The following PLEKHG5 variants were observed in gnomAD, a reference collection of about 807,000 sequenced individuals.
PLEKHG5 encodes pleckstrin homology domain-containing family G member 5.
Under a neutral mutation model 103.8 loss-of-function variants are expected in PLEKHG5, and 52 were observed. The ratio of observed to expected loss-of-function variants is 0.50; its 90% CI spans 0.40 to 0.63. The LOEUF is 0.63. Ranked by LOEUF, PLEKHG5 falls within the 30% of genes least tolerant of loss-of-function variation. The pLI, the probability that PLEKHG5 is intolerant of heterozygous loss-of-function variation, is 0.00. For missense variants in PLEKHG5, 1,205 were observed against 1,347.6 expected (o/e 0.89, Z 1.66); for synonymous variants, 592 against 575.5 (o/e 1.03, Z -0.41).
At chr1:6,485,774 G>C in intron 1 of PLEKHG5, 13 of 546,222 alleles carry the variant, frequency 2.4e-5, no homozygotes, top group Non-Finnish European at 2.7e-5. Flanking sequence ...CCACAGCCCC[G>C]CCTCCGCCCA....
In PLEKHG5 at chr1:6,474,064, G is replaced by C. The variant is rs372624847; in HGVS notation, c.540C>G (p.Pro180=). The change falls in exon 7 of 21, where the codon CCC becomes CCG. Residue 180 remains proline (P), a synonymous_variant. Coordinates refer to ENST00000377728, the MANE Select transcript of PLEKHG5 (RefSeq NM_020631.6). ...PILRPAGTGP[P]ALERVDAQSR... ...TCTGGGCGTCCACACGCTCCAGGGC[G>C]GGGGGCCCGGTCCCAGCTGGCCGCA... 16 of 1,611,458 alleles carry C rather than the reference G, an allele frequency of 9.9e-6. No homozygotes were observed. The highest frequency in any genetic ancestry group is 3.3e-5 in the South Asian group (3 of 90,828).
chr1:6,485,759 G>T, intron 1 of PLEKHG5: 2 of 510,750 alleles, frequency 3.9e-6, no homozygotes, highest in Non-Finnish European at 5.1e-6. Flanking sequence ...CCGGCCGGGG[G>T]ACCCCCACAG....
chr1:6,484,493 C>CG (rs1384317181), intron 1 of PLEKHG5, among the ~76,000 whole-genome samples: 16 of 152,174 alleles, frequency 1.1e-4, no homozygotes, highest in Admixed American at 4.6e-4. Flanking sequence ...GGAAGCCCCC[C>CG]GGGAGAACCA....
At chr1:6,498,866 CAG>C (rs1430111575), upstream of PLEKHG5, among the ~76,000 whole-genome samples, 1 of 152,234 alleles carries the variant, frequency 6.6e-6, no homozygotes, top group Non-Finnish European at 1.5e-5. Flanking sequence ...GAGGTGGAGG[CAG>C]CCGAGGCAAG....
At position 6,475,442 on chromosome 1, in the gene PLEKHG5, G is replaced by A. The variant is rs777308688; in HGVS notation, c.210+20C>T. 22 of 1,611,042 alleles carry A rather than the reference G, an allele frequency of 1.4e-5. No homozygotes were observed. In the Admixed American group the frequency reaches 3.0e-4, roughly 22 times the overall value. On this transcript the variant is annotated intron_variant, in intron 4 of 20. Transcript: ENST00000377728. ...AGGCTGTAGGGAACCCGCATCTGCC[G>A]GCTCTGGGGGGCTCCTCACATCCGT...
At position 6,473,441 on chromosome 1, in the gene PLEKHG5, C is replaced by A. The variant is rs543013239; in HGVS notation, c.605G>T (p.Arg202Leu). ...CAGGAACTCCGACATGTTCTTGCGGCGGCGGCCAGGGGCCTGGTCAGGGAA... is the reference window on the plus strand; with the variant it reads ...CAGGAACTCCGACATGTTCTTGCGGAGGCGGCCAGGGGCCTGGTCAGGGAA... ...ESLDILAPGR[R>L]RKNMSEFLGE... Residue 202 changes from arginine (R) to leucine (L), a missense_variant, in exon 8 of 21, where the codon CGC becomes CTC. Physicochemically the swap from Arg to Leu is moderately radical, Grantham distance 102 (BLOSUM62 -2). Transcript: ENST00000377728. The A allele has an allele frequency of 1.3e-6, 2 of 1,532,740 alleles. No homozygotes were observed. Among genetic ancestry groups the A allele is most frequent in the South Asian group, 2.4e-5 (2 of 82,778 alleles). The allele number at this position is 1,532,740 out of a possible 1,614,324, so 94.9% of individuals were successfully genotyped here.
At chr1:6,501,167 T>C (rs1645292641), upstream of PLEKHG5, among the ~76,000 whole-genome samples, 1 of 152,120 alleles carries the variant, frequency 6.6e-6, no homozygotes, top group African/African-American at 2.4e-5. This position sits in a 1 kb window ranked among gnomAD's most constrained non-coding sequence, Gnocchi z 4.3. Flanking sequence ...TGTGTCTGCC[T>C]CGGATCAGCA....
chr1:6,475,245 C>T lies in PLEKHG5; in HGVS notation c.211-107G>A. 22 of 704,048 alleles carry T rather than the reference C, an allele frequency of 3.1e-5. 2 individuals are homozygous for T. In the South Asian group the frequency reaches 3.3e-4, roughly 11 times the overall value. The allele number at this position is 704,048 out of a possible 1,614,324, so 43.6% of individuals were successfully genotyped here. ...CCTCCTTCCCAACCCTCCTCCCCAC[C>T]CTCCTTCCCACCCTCCTTCCCAACC... On this transcript the variant is annotated intron_variant, in intron 4 of 20. Coordinates refer to ENST00000377728, the MANE Select transcript of PLEKHG5 (RefSeq NM_020631.6).
intron 16 of PLEKHG5, among the ~76,000 whole-genome samples, 172 bp from the exon 17 acceptor site, chr1:6,469,848 G>A (rs1220382312): frequency 1.3e-5 from 2 of 152,332 alleles, no homozygotes; most frequent in South Asian, 2.1e-4. Flanking sequence ...TGAGATGTAC[G>A]TTGATGACTT....
At chr1:6,471,430 C>T in intron 12 of PLEKHG5, 58 bp downstream of exon 12, 1 of 1,562,500 alleles carries the variant, frequency 6.4e-7, no homozygotes, top group Admixed American at 1.8e-5. Flanking sequence ...GCCGTGGAGG[C>T]TTTTCGGCGC....
chr1:6,472,044 G>A (rs1644607971), intron 10 of PLEKHG5, among the ~76,000 whole-genome samples: 2 of 152,234 alleles, frequency 1.3e-5, no homozygotes, highest in Non-Finnish European at 2.9e-5. Flanking sequence ...CCCTCCTGGA[G>A]GGAAGCTCGG....
chr1:6,473,542 C>G, intron 7 of PLEKHG5, 88 bp from the exon 8 acceptor site: 1 of 1,057,070 alleles, frequency 9.5e-7, no homozygotes, highest in Non-Finnish European at 1.3e-6. Context: ...CTCAGGCCAG[C>G]CTGGGATGGA....
chr1:6,482,373 C>T (rs934788185), intron 1 of PLEKHG5, among the ~76,000 whole-genome samples: 7 of 152,160 alleles, frequency 4.6e-5, no homozygotes, highest in Non-Finnish European at 8.8e-5. Flanking sequence ...AGGAGAGAGG[C>T]GCTGAAGAGT....
upstream of PLEKHG5, among the ~76,000 whole-genome samples, chr1:6,494,659 C>G (rs960685272): frequency 2.0e-5 from 3 of 152,228 alleles, no homozygotes; most frequent in Non-Finnish European, 2.9e-5. Flanking sequence ...CTGCCTCTCC[C>G]TTCCTGGACT....
At position 6,475,486 on chromosome 1, in the gene PLEKHG5, C is replaced by T. The variant is rs372405586; in HGVS notation, c.186G>A (p.Lys62=). The T allele has an allele frequency of 1.3e-4, 209 of 1,613,446 alleles. No individual in the cohort carries two copies. Among genetic ancestry groups the T allele is most frequent in the Non-Finnish European group, 1.7e-4 (205 of 1,179,924 alleles). Residue 62 remains lysine, a synonymous_variant, in exon 4 of 21, where the codon AAG becomes AAA. Transcript: ENST00000377728. ...RKSTGLKLSK[K]KARRRHTDDP... is the part of the protein sequence containing the mutation. ...CATCCGTGTGTCTCCTCCTTGCTTT[C>T]TTCTTGGAGAGTTTCAGGCCTGTGC...
At position 6,485,003 on chromosome 1, in the gene PLEKHG5, C is replaced by A. The variant is rs3007424; in HGVS notation, c.-88+6634G>T. ...GAGGAGGCTGTGGGCAGGGCCAGGG[C>A]AGAGGAAGGAAAGGAGAGGGGCGGC... On this transcript the variant is annotated intron_variant, in intron 1 of 20. Coordinates refer to ENST00000377728, the MANE Select transcript of PLEKHG5 (RefSeq NM_020631.6). Among the ~76,000 whole-genome samples, 4,656 of 152,216 alleles carry A rather than the reference C, an allele frequency of 0.031. 244 individuals are homozygous for A. Among genetic ancestry groups the A allele is most frequent in the African/African-American group, 0.11 (4,454 of 41,508 alleles).
Position 6,474,540 on chromosome 1 carries a change from T to C in PLEKHG5, c.350A>G (p.Lys117Arg), listed in dbSNP as rs201172306. ...VFERKGIALG[K>R]VDIYLDQSNT... is the part of the protein sequence containing the mutation. ...GGACTGGTCCAGGTAGATGTCCACT[T>C]TGCCCAGCGCAATGCCCTTCCTTTC... Residue 117 changes from lysine (K) to arginine (R), a missense_variant, in exon 6 of 21, where the codon AAA becomes AGA. By Grantham distance (26) the Lys-to-Arg change is conservative. Transcript: ENST00000377728. The C allele has an allele frequency of 3.7e-6, 6 of 1,613,798 alleles. No homozygotes were observed. The African/African-American group carries it at 8.0e-5, about 22-fold the overall frequency.
Position 6,469,183 on chromosome 1 carries a change from C to T in PLEKHG5, c.2108G>A (p.Ser703Asn). ...EPPGSQQPLQ[S>N]LEEEEDEQEE... is the part of the protein sequence containing the mutation. ...CTGCTCATCCTCCTCCTCTTCCAGG[C>T]TCTGCAGGGGCTGCTGACTGCCTGG... Residue 703 changes from serine to asparagine, a missense_variant, in exon 19 of 21, where the codon AGC becomes AAC. Ser to Asn is a conservative substitution (Grantham distance 46, BLOSUM62 1). Coordinates refer to ENST00000377728, the MANE Select transcript of PLEKHG5 (RefSeq NM_020631.6). 1 of 1,612,642 alleles carries T rather than the reference C, an allele frequency of 6.2e-7. No individual in the cohort carries two copies. Among genetic ancestry groups the T allele is most frequent in the Non-Finnish European group, 8.5e-7 (1 of 1,179,902 alleles).
intron 1 of PLEKHG5, among the ~76,000 whole-genome samples, chr1:6,504,780 A>G (rs923727951): frequency 2.6e-5 from 4 of 152,220 alleles, no homozygotes; most frequent in African/African-American, 9.6e-5. Flanking sequence ...CGTGTTAGTC[A>G]GGCTGGTCTC....
Sources: gnomAD v4.1 joint callset for allele counts (sites outside exome capture counted in the v4.1 genomes callset) on GRCh38, gnomAD v4.1.1 for gene constraint, Gnocchi (gnomAD v3.1) non-coding constraint, MANE v1.5 for transcripts, NCBI Gene and HGNC (gene_info 2026-07-23, HGNC 2026-07-21) for gene names.